RPS6KA6: variants seen among roughly 807,000 people sequenced by gnomAD.
The protein encoded by RPS6KA6 is ribosomal protein S6 kinase A6, also known as ribosomal protein S6 kinase alpha-6.
Under a neutral mutation model 65.4 loss-of-function variants are expected in RPS6KA6, and 27 were observed. The observed-to-expected ratio is 0.41, with a 90% CI of 0.30 to 0.57. The LOEUF (loss-of-function observed/expected upper bound fraction) is 0.57. Among genes scored for constraint, RPS6KA6 ranks in the 20% least tolerant of loss-of-function variants. RPS6KA6 has a pLI of 0.24. For missense variants in RPS6KA6, 486 were observed against 555.6 expected, an observed-to-expected ratio of 0.87 and a Z score of 1.26; for synonymous variants, 190 against 184.2, an observed-to-expected ratio of 1.03 and a Z score of -0.26.
intron 12 of RPS6KA6, among the ~76,000 whole-genome samples, chrX:84,110,608 C>T (rs2034451365): frequency 8.9e-6 from 1 of 111,941 alleles, no homozygotes; most frequent in Non-Finnish European, 1.9e-5. Flanking sequence ...AAGAAGTGCA[C>T]AGGCCTATAG....
chrX:84,177,314 T>A (rs2035785950), intron 1 of RPS6KA6, among the ~76,000 whole-genome samples: 1 of 111,809 alleles, frequency 8.9e-6, no homozygotes, highest in African/African-American at 3.2e-5. Context: ...TATTTAAAAA[T>A]AATAACATTT....
chrX:84,087,189 T>C (rs2033942000), intron 20 of RPS6KA6, among the ~76,000 whole-genome samples: 1 of 111,579 alleles, frequency 9.0e-6, no homozygotes, highest in Non-Finnish European at 1.9e-5. Context: ...AATTTGGTCT[T>C]GTCATTATGA....
At chrX:84,119,787 C>G in intron 9 of RPS6KA6, 98 bp downstream of exon 9, 1 of 544,716 alleles carries the variant, frequency 1.8e-6, no homozygotes, top group Admixed American at 4.6e-5. Flanking sequence ...TATCAGAACC[C>G]CTTTCTGACC....
At chrX:84,172,723 TA>T (rs1217174980) in intron 1 of RPS6KA6, among the ~76,000 whole-genome samples, 1 of 111,984 alleles carries the variant, frequency 8.9e-6, no homozygotes, top group African/African-American at 3.3e-5. Context: ...CCCAAGTATT[TA>T]TCGACAGATG....
intron 12 of RPS6KA6, among the ~76,000 whole-genome samples, chrX:84,112,861 A>G (rs1386110244): frequency 8.9e-6 from 1 of 111,909 alleles, no homozygotes; most frequent in Non-Finnish European, 1.9e-5. Context: ...AAAAGGATCA[A>G]CAAAATGAGA....
At chrX:84,172,249 T>C (rs932108081) in intron 1 of RPS6KA6, among the ~76,000 whole-genome samples, 2 of 111,962 alleles carry the variant, frequency 1.8e-5, no homozygotes, top group African/African-American at 6.5e-5. Flanking sequence ...CCTTTGGGTA[T>C]ATACCCATTA....
intron 18 of RPS6KA6, among the ~76,000 whole-genome samples, chrX:84,100,481 C>A (rs1282787787): frequency 9.0e-6 from 1 of 110,881 alleles, no homozygotes; most frequent in African/African-American, 3.3e-5. Context: ...GAGAAGTTGC[C>A]ATAATACTAA....
Position 84,064,077 on chromosome X carries a change from G to A in RPS6KA6, c.*200C>T. ...CAATTATATGCTTAAATAAACACTT[G>A]AACACTACTGCAAACACATAGTATG... On this transcript the variant is annotated 3_prime_UTR_variant, in exon 22 of 22. Coordinates refer to ENST00000262752, the MANE Select transcript of RPS6KA6 (RefSeq NM_014496.5). 2 of 385,753 alleles carry A rather than the reference G, an allele frequency of 5.2e-6. No individual in the cohort carries two copies. The highest frequency in any genetic ancestry group is 8.5e-6 in the Non-Finnish European group (2 of 234,600). 31.8% of individuals were successfully genotyped at this position (385,753 alleles called of 1,213,427 possible).
At chrX:84,158,067 G>A (rs2035445929) in intron 2 of RPS6KA6, among the ~76,000 whole-genome samples, 1 of 109,728 alleles carries the variant, frequency 9.1e-6, no homozygotes, top group Non-Finnish European at 1.9e-5. Context: ...ACTGGACTGT[G>A]GGCTTCTTAA....
At chrX:84,187,756 G>T in intron 1 of RPS6KA6, 63 bp downstream of exon 1, 1 of 1,088,424 alleles carries the variant, frequency 9.2e-7, no homozygotes, top group Non-Finnish European at 1.2e-6. Context: ...TCCGTCCCCA[G>T]CCAAGGTCTT....
At chrX:84,081,253 C>G (rs1201206770) in intron 20 of RPS6KA6, among the ~76,000 whole-genome samples, 1 of 110,289 alleles carries the variant, frequency 9.1e-6, no homozygotes, top group Non-Finnish European at 1.9e-5. Context: ...AGAGAAGAAT[C>G]AAATAGACAC....
At chrX:84,162,139 T>C (rs1366163479) in intron 2 of RPS6KA6, among the ~76,000 whole-genome samples, 1 of 110,457 alleles carries the variant, frequency 9.1e-6, no homozygotes, top group Non-Finnish European at 1.9e-5. Context: ...GGTGGTGAAA[T>C]GTGATATTAG....
At chrX:84,154,132 T>C (rs1200679538) in intron 3 of RPS6KA6, among the ~76,000 whole-genome samples, 1 of 111,250 alleles carries the variant, frequency 9.0e-6, no homozygotes, top group Non-Finnish European at 1.9e-5. Context: ...TACACTCAAA[T>C]ATATTAGCTT....
At chrX:84,107,972 G>T (rs2147438565) in intron 12 of RPS6KA6, among the ~76,000 whole-genome samples, 1 of 112,137 alleles carries the variant, frequency 8.9e-6, no homozygotes, top group African/African-American at 3.2e-5. Context: ...GATATCAGAA[G>T]TTTTTGAATG....
intron 6 of RPS6KA6, among the ~76,000 whole-genome samples, chrX:84,142,429 A>G (rs1307375353): frequency 3.6e-5 from 4 of 111,410 alleles, no homozygotes; most frequent in South Asian, 3.7e-4. Flanking sequence ...CCTCAAATCA[A>G]TAACTTCAGC....
intron 1 of RPS6KA6, among the ~76,000 whole-genome samples, chrX:84,176,395 G>A (rs764245313): frequency 1.8e-5 from 2 of 111,786 alleles, no homozygotes; most frequent in African/African-American, 6.5e-5. Context: ...ACATTCTGAG[G>A]TAGTAATTCT....
At chrX:84,111,386 T>A (rs960876212) in intron 12 of RPS6KA6, among the ~76,000 whole-genome samples, 3 of 111,121 alleles carry the variant, frequency 2.7e-5, no homozygotes, top group African/African-American at 9.8e-5. Flanking sequence ...AGGGATATAG[T>A]CGCCAGACTA....
intron 20 of RPS6KA6, among the ~76,000 whole-genome samples, chrX:84,072,092 G>A (rs910713042): frequency 1.3e-4 from 14 of 111,493 alleles, no homozygotes; most frequent in African/African-American, 4.2e-4. Context: ...TAACCCAACT[G>A]TTCTAACCAG....
At chrX:84,075,883 T>C (rs2033654945) in intron 20 of RPS6KA6, among the ~76,000 whole-genome samples, 1 of 112,138 alleles carries the variant, frequency 8.9e-6, no homozygotes, top group African/African-American at 3.2e-5. Flanking sequence ...TAAATGTTTA[T>C]TCATGTAAAA....
Sources: allele counts gnomAD v4.1 joint callset (sites outside exome capture counted in the v4.1 genomes callset), GRCh38; gene constraint gnomAD v4.1.1; transcripts MANE v1.5; gene names NCBI Gene and HGNC (gene_info 2026-07-23, HGNC 2026-07-21).